The following RYR3 variants were observed in gnomAD, a reference collection of about 807,000 sequenced individuals.
RYR3 encodes brain ryanodine receptor-calcium release channel.
In RYR3, 207 loss-of-function variants were observed where a neutral mutation model predicts 584.3. The observed-to-expected ratio is 0.35, with a 90% CI of 0.32 to 0.40. The LOEUF (loss-of-function observed/expected upper bound fraction) is 0.40, where lower values mean the gene tolerates loss of function less well. Among genes scored for constraint, RYR3 ranks in the 10% least tolerant of loss-of-function variants. The pLI, the probability that RYR3 is intolerant of heterozygous loss-of-function variation, is 1.00. For missense variants in RYR3, 5,616 were observed against 6,089.2 expected (o/e 0.92, Z 2.59); for synonymous variants, 2,416 against 2,248.5 (o/e 1.07, Z -2.11).
At position 33,669,857 on chromosome 15, in the gene RYR3, G is replaced by GGGGGGGGGGGT. The variant is rs1555401713; in HGVS notation, c.5722+402_5722+403insGGGGGGGGGTG. Among the ~76,000 whole-genome samples the GGGGGGGGGGGT allele has an allele frequency of 1.5e-4, 9 of 60,208 alleles. 3 individuals carry two copies. Among genetic ancestry groups the GGGGGGGGGGGT allele is most frequent in the Admixed American group, 2.3e-4 (1 of 4,358 alleles). The allele number at this position is 60,208 out of a possible 152,430, so 39.5% of individuals were successfully genotyped here. On this transcript the variant is annotated intron_variant, in intron 37 of 103. Coordinates refer to ENST00000634891, the MANE Select transcript of RYR3 (RefSeq NM_001036.6). ...GTGTGTGTGTGTGGGGGGGGGGGGG[G>GGGGGGGGGGGT]GTGTGGGTGTGTGGGTGTGTGTGGT...
At chr15:33,447,245 A>C (rs1214226825) in intron 1 of RYR3, among the ~76,000 whole-genome samples, 2 of 152,190 alleles carry the variant, frequency 1.3e-5, no homozygotes, top group East Asian at 3.9e-4. Flanking sequence ...ATTCATGATG[A>C]TAAATTCCTG....
At chr15:33,770,233 G>A (rs528015867) in intron 62 of RYR3, among the ~76,000 whole-genome samples, 11 of 152,106 alleles carry the variant, frequency 7.2e-5, no homozygotes, top group East Asian at 1.9e-4. Context: ...CTAAAAGAGC[G>A]TCCCAAAGAT....
chr15:33,580,151 C>T lies in RYR3; in HGVS notation c.1437+7C>T, dbSNP rs748318941. On this transcript the variant is annotated splice_region_variant and intron_variant, in intron 13 of 103. Coordinates refer to ENST00000634891, the MANE Select transcript of RYR3 (RefSeq NM_001036.6). ...AAATCTTTTCAAGGAAGAGGTAAGT[C>T]GAAAAATGAAAAGTTGAAATTCACT... 2.1e-5 allele frequency: 34 copies of T among 1,584,748 alleles called. No homozygotes were observed. The highest frequency in any genetic ancestry group is 2.7e-5 in the Non-Finnish European group (31 of 1,165,052).
In RYR3 at chr15:33,831,066, T is replaced by TCAA; in HGVS notation, c.11439_11441dup (p.Asn3814dup). 1 of 1,613,726 alleles carries TCAA rather than the reference T, an allele frequency of 6.2e-7. No homozygotes were observed. Among genetic ancestry groups the TCAA allele is most frequent in the Non-Finnish European group, 8.5e-7 (1 of 1,179,852 alleles). On this transcript the variant is annotated inframe_insertion, in exon 86 of 104. Coordinates refer to ENST00000634891, the MANE Select transcript of RYR3 (RefSeq NM_001036.6). ...GCTCTGGCAGTCACCAAGCAGATTT[T>TCAA]CAATTCTCTTACAGAATACATCCAG...
At chr15:33,645,684 A>G (rs1379152144) in intron 28 of RYR3, among the ~76,000 whole-genome samples, 1 of 152,202 alleles carries the variant, frequency 6.6e-6, no homozygotes, top group Non-Finnish European at 1.5e-5. Context: ...TTATTATTGT[A>G]AGCCTCAGTT....
chr15:33,628,497 G>A lies in RYR3; in HGVS notation c.2601G>A (p.Lys867=), dbSNP rs1166062055. The change falls in exon 21 of 104, where the codon AAG becomes AAA. Residue 867 remains lysine (K), a synonymous_variant. Transcript: ENST00000634891. ...SQVILPPHLE[K]IRDRLAENIH... ...TTATTTTGCCACCTCACCTAGAAAAGATCCGAGACAGACTAGCTGAAAACA... is the reference window on the plus strand; with the variant it reads ...TTATTTTGCCACCTCACCTAGAAAAAATCCGAGACAGACTAGCTGAAAACA... 6.2e-7 allele frequency: 1 copy of A among 1,613,446 alleles called. No homozygotes were observed. Among genetic ancestry groups the A allele is most frequent in the Admixed American group, 1.7e-5 (1 of 60,020 alleles).
At chr15:33,336,474 G>A (rs1349503339) in intron 1 of RYR3, among the ~76,000 whole-genome samples, 2 of 40,482 alleles carry the variant, frequency 4.9e-5, no homozygotes, top group African/African-American at 4.8e-4. Flanking sequence ...GAGAGAGAGA[G>A]AGAGAGAGAG....
intron 32 of RYR3, among the ~76,000 whole-genome samples, chr15:33,654,220 A>T (rs2062685399): frequency 6.6e-6 from 1 of 152,132 alleles, no homozygotes. Context: ...TTAAGGAAAA[A>T]GCGTTTTTAC....
chr15:33,628,603 G>A, intron 21 of RYR3, 28 bp downstream of exon 21: 2 of 1,431,674 alleles, frequency 1.4e-6, no homozygotes, highest in Non-Finnish European at 2.0e-6. Flanking sequence ...AGGTTAGGGT[G>A]GAGGGTGGGA....
intron 15 of RYR3, 112 bp from the exon 16 acceptor site, chr15:33,585,886 T>C (rs764576297): frequency 7.8e-6 from 5 of 637,414 alleles, no homozygotes; most frequent in African/African-American, 3.7e-5. Flanking sequence ...ATTCAAAGAA[T>C]TGACGATATC....
At chr15:33,523,381 G>A (rs955933976) in intron 3 of RYR3, among the ~76,000 whole-genome samples, 5 of 152,118 alleles carry the variant, frequency 3.3e-5, no homozygotes, top group African/African-American at 4.8e-5. Flanking sequence ...CACTCACTGC[G>A]AGGGTCTGAA....
chr15:33,844,830 T>C, intron 92 of RYR3, 32 bp from the exon 93 acceptor site: 1 of 1,591,538 alleles, frequency 6.3e-7, no homozygotes, highest in South Asian at 1.1e-5. Flanking sequence ...TTCTTTTTGA[T>C]GTTTAATAAG....
At chr15:33,459,209 C>T (rs28465311) in intron 1 of RYR3, among the ~76,000 whole-genome samples, 3,355 of 152,304 alleles carry the variant, frequency 0.022, 59 homozygotes, top group Non-Finnish European at 0.028. Context: ...TTGAGCCCCA[C>T]GGCTTCATAG....
At chr15:33,637,492 G>A (rs62010506) in intron 27 of RYR3, among the ~76,000 whole-genome samples, 20,365 of 152,212 alleles carry the variant, frequency 0.13, 1,792 homozygotes, top group East Asian at 0.42. Flanking sequence ...ACCTGCCTCT[G>A]CTTCTGCCTA....
At chr15:33,605,606 A>C (rs1184673084) in intron 18 of RYR3, among the ~76,000 whole-genome samples, 5 of 152,218 alleles carry the variant, frequency 3.3e-5, no homozygotes, top group African/African-American at 1.2e-4. Flanking sequence ...AGTGTCTCCA[A>C]GTTTTATACG....
chr15:33,375,856 A>T (rs142171990), intron 1 of RYR3, among the ~76,000 whole-genome samples: 3,891 of 152,210 alleles, frequency 0.026, 184 homozygotes, highest in African/African-American at 0.09. Context: ...TGAGGTCAGG[A>T]GATTGAGACC....
Position 33,859,734 on chromosome 15 carries a change from A to T in RYR3, c.14299+3A>T. On this transcript the variant is annotated splice_donor_region_variant and intron_variant, in intron 100 of 103. Transcript: ENST00000634891. ...CATCTTGCTGGCCATCATTCAAGGT[A>T]TGATTGCCAATTGTGTTGAGTATGA... 6.2e-7 allele frequency: 1 copy of T among 1,604,014 alleles called. No individual in the cohort carries two copies. Among genetic ancestry groups the T allele is most frequent in the Non-Finnish European group, 8.5e-7 (1 of 1,174,386 alleles).
chr15:33,553,893 C>G (rs970820494), intron 10 of RYR3, among the ~76,000 whole-genome samples: 2 of 152,174 alleles, frequency 1.3e-5, no homozygotes, highest in Non-Finnish European at 2.9e-5. Context: ...TGCTGCCTGC[C>G]CTTCCATTGC....
At position 33,343,746 on chromosome 15, in the gene RYR3, G is replaced by C. The variant is rs986524249; in HGVS notation, c.51+32650G>C. On this transcript the variant is annotated intron_variant, in intron 1 of 103. Transcript: ENST00000634891. The stretch of plus-strand genomic sequence containing the variant: ...TCCTATTGTTTGGTTCAATTTTTCC[G>C]ATGAGTCAAGATCAAAGTGCGAGGT... Among the ~76,000 whole-genome samples, 6 of 152,142 alleles carry C rather than the reference G, an allele frequency of 3.9e-5. No individual in the cohort carries two copies. The East Asian group carries it at 1.2e-3, about 29-fold the overall frequency.
Sources: gnomAD v4.1 joint callset for allele counts (sites outside exome capture counted in the v4.1 genomes callset) on GRCh38, gnomAD v4.1.1 for gene constraint, MANE v1.5 for transcripts, NCBI Gene and HGNC (gene_info 2026-07-23, HGNC 2026-07-21) for gene names.